The following ERBIN variants were observed in gnomAD, a reference collection of about 807,000 sequenced individuals.
ERBIN encodes densin-180-like protein.
ERBIN carries 60 observed loss-of-function variants against 158.4 expected under a neutral mutation model. The ratio of observed to expected loss-of-function variants is 0.38; its 90% confidence interval spans 0.31 to 0.47. The LOEUF (loss-of-function observed/expected upper bound fraction) is 0.47, where lower values mean the gene tolerates loss of function less well. Ranked by LOEUF, ERBIN falls within the 20% of genes least tolerant of loss-of-function variation. ERBIN has a pLI of 0.99. For synonymous variants in ERBIN, 594 were observed against 557.2 expected (o/e 1.07, Z -0.93); for missense variants, 1,610 against 1,648.0 (o/e 0.98, Z 0.40).
chr5:66,038,059 CTG>C (rs992013457), intron 14 of ERBIN, among the ~76,000 whole-genome samples: 3 of 152,122 alleles, frequency 2.0e-5, no homozygotes, highest in East Asian at 3.8e-4. Context: ...TATTTTATAA[CTG>C]TATTAAATAT....
intron 20 of ERBIN, among the ~76,000 whole-genome samples, chr5:66,051,822 G>A (rs1387836277): frequency 3.3e-5 from 5 of 151,606 alleles, no homozygotes; most frequent in African/African-American, 9.7e-5. Context: ...TTGAGCCCAG[G>A]AGGCGGAAGT....
chr5:65,948,918 C>A (rs1746153120), intron 1 of ERBIN, among the ~76,000 whole-genome samples: 1 of 151,952 alleles, frequency 6.6e-6, no homozygotes, highest in Non-Finnish European at 1.5e-5. Context: ...CATTTTCCAC[C>A]ATGTCCGGCT....
At chr5:65,933,964 T>C (rs975255251) in intron 1 of ERBIN, among the ~76,000 whole-genome samples, 17 of 152,248 alleles carry the variant, frequency 1.1e-4, no homozygotes, top group Admixed American at 8.5e-4. Context: ...GGCGTGATCT[T>C]GGCTCACTGC....
chr5:65,973,252 G>A (rs1749465743), intron 1 of ERBIN, among the ~76,000 whole-genome samples: 1 of 150,700 alleles, frequency 6.6e-6, no homozygotes, highest in Non-Finnish European at 1.5e-5. Context: ...GGGGCCTGTT[G>A]TGGGGTGGGG....
chr5:66,048,439 G>A (rs1758672725), intron 18 of ERBIN, among the ~76,000 whole-genome samples: 1 of 151,848 alleles, frequency 6.6e-6, no homozygotes, highest in Non-Finnish European at 1.5e-5. Context: ...GGGAATAGAG[G>A]AGCAGTATCC....
intron 1 of ERBIN, among the ~76,000 whole-genome samples, chr5:65,941,342 A>T: frequency 1.6e-5 from 1 of 61,830 alleles, no homozygotes; most frequent in Admixed American, 1.3e-4. Context: ...AGAACAATAC[A>T]AATAACAACA....
chr5:65,984,417 CTCT>C (rs1750988485), intron 1 of ERBIN, among the ~76,000 whole-genome samples: 1 of 152,196 alleles, frequency 6.6e-6, no homozygotes. Context: ...TCTTTTTCTC[CTCT>C]CTGCCCCTCA....
intron 4 of ERBIN, among the ~76,000 whole-genome samples, chr5:66,001,597 C>T (rs929319395): frequency 6.6e-6 from 1 of 152,104 alleles, no homozygotes. Context: ...GTTAGTTCAT[C>T]TGTAAGATTG....
intron 1 of ERBIN, among the ~76,000 whole-genome samples, chr5:65,954,350 T>A (rs1328235859): frequency 2.6e-5 from 4 of 152,162 alleles, no homozygotes; most frequent in Non-Finnish European, 5.9e-5. Flanking sequence ...GTCTTTTTAG[T>A]CTATGCATTG....
rs869119758 is a variant in ERBIN at position 66,050,226 on chromosome 5, C to CTTTTTTTTT, written c.1904-529_1904-521dup. Among the ~76,000 whole-genome samples the CTTTTTTTTT allele has an allele frequency of 3.1e-4, 3 of 9,760 alleles. 1 individual carries two copies. The highest frequency in any genetic ancestry group is 2.4e-3 in the East Asian group (2 of 820). 6.4% of individuals were successfully genotyped at this position (9,760 alleles called of 152,430 possible). ...ACCTTGTCAGTAACTAAATCGAATTCTTTTTTTTTTTTTTTTTTTTTTTTT... is the reference window on the plus strand; with the variant it reads ...ACCTTGTCAGTAACTAAATCGAATTCTTTTTTTTTTTTTTTTTTTTTTTTTTTTTTTTTT... On this transcript the variant is annotated intron_variant, in intron 19 of 25. Transcript: ENST00000284037.
rs1471974557 is a variant in ERBIN at position 66,050,894 on chromosome 5, C to T, written c.2015C>T (p.Thr672Ile). ...SRMSDSVSLN[T>I]DSSQDTSLCS... ...ATGTCTGATTCAGTTTCTCTTAATACTGATAGTAGTCAAGACACCTCACTC... is the reference window on the plus strand; with the variant it reads ...ATGTCTGATTCAGTTTCTCTTAATATTGATAGTAGTCAAGACACCTCACTC... The change falls in exon 20 of 26, where the codon ACT (threonine) becomes ATT (isoleucine). Residue 672 changes from threonine to isoleucine, a missense_variant. Transcript: ENST00000284037. 6.2e-7 allele frequency: 1 copy of T among 1,605,866 alleles called. No individual in the cohort carries two copies. Among genetic ancestry groups the T allele is most frequent in the African/African-American group, 1.3e-5 (1 of 74,192 alleles).
At chr5:65,942,345 A>G (rs1345539602) in intron 1 of ERBIN, among the ~76,000 whole-genome samples, 2 of 152,212 alleles carry the variant, frequency 1.3e-5, no homozygotes, top group Non-Finnish European at 2.9e-5. Context: ...TGAAGAATAC[A>G]GTTTCTTTAG....
intron 1 of ERBIN, among the ~76,000 whole-genome samples, chr5:65,988,139 G>A (rs1269930531): frequency 6.6e-6 from 1 of 152,100 alleles, no homozygotes; most frequent in Non-Finnish European, 1.5e-5. Context: ...GGGAGACTGA[G>A]GTGGGAGAAT....
intron 6 of ERBIN, among the ~76,000 whole-genome samples, chr5:66,014,371 T>A (rs540187389): frequency 6.6e-6 from 1 of 152,292 alleles, no homozygotes; most frequent in East Asian, 1.9e-4. Flanking sequence ...AAGAGTTAAT[T>A]TTTGTGAGCA....
intron 1 of ERBIN, among the ~76,000 whole-genome samples, chr5:65,963,852 C>T (rs552128548): frequency 4.8e-5 from 7 of 144,696 alleles, no homozygotes; most frequent in Admixed American, 1.4e-4. Flanking sequence ...TGCAGTGGTG[C>T]GATTTCAACT....
intron 5 of ERBIN, among the ~76,000 whole-genome samples, chr5:66,013,257 T>C (rs1029324188): frequency 6.6e-6 from 1 of 152,244 alleles, no homozygotes; most frequent in African/African-American, 2.4e-5. Flanking sequence ...AGTTATACCC[T>C]AAATATATTT....
intron 1 of ERBIN, among the ~76,000 whole-genome samples, chr5:65,977,235 C>T (rs1446894601): frequency 4.9e-5 from 7 of 142,666 alleles, no homozygotes; most frequent in Non-Finnish European, 6.0e-5. Context: ...GGCGGCTGGC[C>T]GGGCGGGGGG....
intron 1 of ERBIN, among the ~76,000 whole-genome samples, chr5:65,972,109 A>AG (rs1218611387): frequency 1.3e-5 from 2 of 151,902 alleles, no homozygotes; most frequent in African/African-American, 2.4e-5. Context: ...GGCTATTCCA[A>AG]GGGGGTCTGC....
intron 4 of ERBIN, among the ~76,000 whole-genome samples, chr5:66,002,888 C>T (rs1230454075): frequency 4.6e-5 from 7 of 152,166 alleles, no homozygotes; most frequent in Admixed American, 4.6e-4. Flanking sequence ...TAATAAATCA[C>T]TTTATTTAAG....
Sources: gnomAD v4.1 joint callset for allele counts (sites outside exome capture counted in the v4.1 genomes callset) on GRCh38, gnomAD v4.1.1 for gene constraint, MANE v1.5 for transcripts, NCBI Gene and HGNC (gene_info 2026-07-23, HGNC 2026-07-21) for gene names.